FNIP1: variants seen among roughly 807,000 people sequenced by gnomAD.
The protein encoded by FNIP1 is folliculin interacting protein 1, also known as folliculin-interacting protein 1.
Under a neutral mutation model 124.5 loss-of-function variants are expected in FNIP1, and 40 were observed. The ratio of observed to expected loss-of-function variants is 0.32; its 90% confidence interval spans 0.25 to 0.42. The LOEUF (loss-of-function observed/expected upper bound fraction) is 0.42, where lower values mean the gene tolerates loss of function less well. Among genes scored for constraint, FNIP1 ranks in the 10% least tolerant of loss-of-function variants. The probability of loss-of-function intolerance (pLI) is 1.00; values close to 1 mark genes in which losing one functional copy is unlikely to be tolerated. For missense variants in FNIP1, 1,176 were observed against 1,403.7 expected, an observed-to-expected ratio of 0.84 and a Z score of 2.59; for synonymous variants, 472 against 470.6, an observed-to-expected ratio of 1.00 and a Z score of -0.04.
At chr5:131,784,851 A>G (rs910614518) in intron 1 of FNIP1, among the ~76,000 whole-genome samples, 1 of 150,306 alleles carries the variant, frequency 6.7e-6, no homozygotes, top group Non-Finnish European at 1.5e-5. Context: ...CAAAAATATT[A>G]AAGTAAATAT....
In FNIP1 at chr5:131,796,971, C is replaced by T; in HGVS notation, c.-50G>A. On this transcript the variant is annotated 5_prime_UTR_variant, in exon 1 of 18. Coordinates refer to ENST00000510461, the MANE Select transcript of FNIP1 (RefSeq NM_133372.3). ...GCTCCGCTGGGCGCTTGCTAGGCCCCTGCTCCTACAGCCGCCCCGCCACCC... is the reference window on the plus strand; with the variant it reads ...GCTCCGCTGGGCGCTTGCTAGGCCCTTGCTCCTACAGCCGCCCCGCCACCC... The T allele has an allele frequency of 1.3e-6, 2 of 1,509,782 alleles. No individual in the cohort carries two copies. The highest frequency in any genetic ancestry group is 9.0e-7 in the Non-Finnish European group (1 of 1,111,862). 93.5% of individuals were successfully genotyped at this position (1,509,782 alleles called of 1,614,324 possible). A position where few individuals can be genotyped will look rare whatever the true frequency, so the allele number is the denominator to read the frequency against.
At chr5:131,685,014 C>G (rs979537400) in intron 11 of FNIP1, among the ~76,000 whole-genome samples, 2 of 152,138 alleles carry the variant, frequency 1.3e-5, no homozygotes, top group Non-Finnish European at 2.9e-5. Context: ...TTTTAAATGT[C>G]TTGATTTCAA....
intron 1 of FNIP1, among the ~76,000 whole-genome samples, chr5:131,776,792 A>C (rs1771822306): frequency 6.6e-6 from 1 of 152,212 alleles, no homozygotes; most frequent in Non-Finnish European, 1.5e-5. Context: ...AAGGCAAATG[A>C]AGTAGGTTCC....
intron 10 of FNIP1, among the ~76,000 whole-genome samples, chr5:131,701,182 TA>T (rs1318336110): frequency 6.6e-6 from 1 of 152,130 alleles, no homozygotes. Context: ...TGCACACTCT[TA>T]TGAGAATCTA....
intron 2 of FNIP1, among the ~76,000 whole-genome samples, chr5:131,740,375 C>T (rs551551344): frequency 7.8e-4 from 118 of 152,256 alleles, no homozygotes; most frequent in African/African-American, 2.6e-3. Flanking sequence ...TAGCACTGTA[C>T]GATGCTTCGG....
chr5:131,650,516 G>A (rs996655636), intron 16 of FNIP1, among the ~76,000 whole-genome samples: 32 of 152,150 alleles, frequency 2.1e-4, no homozygotes, highest in African/African-American at 7.2e-4. Flanking sequence ...CCAGTTTTCT[G>A]TGGGATCTTT....
At chr5:131,704,309 T>C (rs1418114489) in intron 9 of FNIP1, 43 bp from the exon 10 acceptor site, 18 of 1,452,218 alleles carry the variant, frequency 1.2e-5, no homozygotes, top group Non-Finnish European at 1.5e-5. Context: ...AAAGTAAAAA[T>C]AAATTCACAA....
chr5:131,777,072 A>G (rs550125046), intron 1 of FNIP1, among the ~76,000 whole-genome samples: 25 of 152,270 alleles, frequency 1.6e-4, no homozygotes, highest in Admixed American at 3.3e-4. Context: ...TATCTACTAA[A>G]AAAATTGTCT....
intron 11 of FNIP1, among the ~76,000 whole-genome samples, chr5:131,690,261 A>T (rs1026928686): frequency 1.3e-5 from 2 of 152,034 alleles, no homozygotes; most frequent in African/African-American, 2.4e-5. Context: ...AATAAAATAA[A>T]AGTTAAGGTA....
intron 13 of FNIP1, 131 bp from the exon 14 acceptor site, chr5:131,673,055 T>C: frequency 1.5e-6 from 1 of 652,704 alleles, no homozygotes. Context: ...TTTTTTGTTT[T>C]TTTTTTTTTT....
At chr5:131,741,805 G>A (rs948475235) in intron 2 of FNIP1, among the ~76,000 whole-genome samples, 1 of 152,106 alleles carries the variant, frequency 6.6e-6, no homozygotes, top group Non-Finnish European at 1.5e-5. Context: ...CAATCAATAG[G>A]ATTTTGATTT....
chr5:131,672,685 T>C lies in FNIP1; in HGVS notation c.1759A>G (p.Thr587Ala). Residue 587 changes from threonine to alanine, a missense_variant, in exon 14 of 18, where the codon ACA (threonine) becomes GCA (alanine). By Grantham distance (58) the Thr-to-Ala change is moderately conservative. Coordinates refer to ENST00000510461, the MANE Select transcript of FNIP1 (RefSeq NM_133372.3). ...AAACTGCTTTTGTTTCTATGCATTGTGACAAGGACATACTCTGATTCTTCT... is the reference window on the plus strand; with the variant it reads ...AAACTGCTTTTGTTTCTATGCATTGCGACAAGGACATACTCTGATTCTTCT... The part of the protein sequence containing the change: ...EIEESEYVLV[T>A]MHRNKSSLLF... The C allele has an allele frequency of 6.2e-7, 1 of 1,614,168 alleles. No homozygotes were observed. The highest frequency in any genetic ancestry group is 8.5e-7 in the Non-Finnish European group (1 of 1,180,022).
At chr5:131,699,428 CTG>C (rs1463695925) in intron 10 of FNIP1, among the ~76,000 whole-genome samples, 1 of 145,324 alleles carries the variant, frequency 6.9e-6, no homozygotes, top group African/African-American at 2.6e-5. Context: ...GAGTCTCACT[CTG>C]TCACCTAGGC....
intron 11 of FNIP1, among the ~76,000 whole-genome samples, chr5:131,687,887 G>A (rs1054695943): frequency 6.6e-6 from 1 of 152,084 alleles, no homozygotes; most frequent in Non-Finnish European, 1.5e-5. Flanking sequence ...GCTATGGTTC[G>A]GACAGAGGTA....
At chr5:131,677,897 G>A in intron 12 of FNIP1, 25 bp from the exon 13 acceptor site, 2 of 1,603,218 alleles carry the variant, frequency 1.2e-6, no homozygotes, top group Non-Finnish European at 1.7e-6. Context: ...CATCTGATCA[G>A]ATTCCAATCA....
In FNIP1 at chr5:131,698,928, T is replaced by C; in HGVS notation, c.1191A>G (p.Leu397=). The stretch of plus-strand genomic sequence containing the variant: ...TGGGCAATATGTACCTGAATTCATT[T>C]AGGGCATCAACTATTCGATTATATG... ...SLAYNRIVDA[L]NEFRTTICNL... Residue 397 remains leucine (L), a synonymous_variant, in exon 11 of 18, where the codon CTA becomes CTG. Coordinates refer to ENST00000510461, the MANE Select transcript of FNIP1 (RefSeq NM_133372.3). The C allele has an allele frequency of 6.2e-7, 1 of 1,609,670 alleles. No homozygotes were observed. The highest frequency in any genetic ancestry group is 8.5e-7 in the Non-Finnish European group (1 of 1,178,462).
chr5:131,680,623 G>C (rs1377617884), intron 11 of FNIP1, among the ~76,000 whole-genome samples: 1 of 152,118 alleles, frequency 6.6e-6, no homozygotes, highest in Non-Finnish European at 1.5e-5. Context: ...GCAACAAATA[G>C]AATTAGAGAA....
At chr5:131,737,592 G>C (rs951983576) in intron 2 of FNIP1, among the ~76,000 whole-genome samples, 1 of 152,048 alleles carries the variant, frequency 6.6e-6, no homozygotes, top group African/African-American at 2.4e-5. Flanking sequence ...GTCCTTTCAT[G>C]GCAATTCACT....
In FNIP1 at chr5:131,719,018, C is replaced by A; in HGVS notation, c.498G>T (p.Arg166=). The A allele has an allele frequency of 1.9e-6, 3 of 1,613,480 alleles. No individual in the cohort carries two copies. Among genetic ancestry groups the A allele is most frequent in the Non-Finnish European group, 2.5e-6 (3 of 1,179,586 alleles). Residue 166 remains arginine, a synonymous_variant, in exon 5 of 18, where the codon CGG becomes CGT. Coordinates refer to ENST00000510461, the MANE Select transcript of FNIP1 (RefSeq NM_133372.3). Reference sequence around the variant, plus strand: ...GACTCCCACAAATACTGCTGCCAGTCCGAGCAGTAAACACTTTGCTGAGCA... The same window carrying A: ...GACTCCCACAAATACTGCTGCCAGTACGAGCAGTAAACACTTTGCTGAGCA... The part of the protein sequence containing the change: ...QLMLSKVFTA[R]TGSSICGSLN...
Sources: gnomAD v4.1 joint callset for allele counts (sites outside exome capture counted in the v4.1 genomes callset) on GRCh38, gnomAD v4.1.1 for gene constraint, MANE v1.5 for transcripts, NCBI Gene and HGNC (gene_info 2026-07-23, HGNC 2026-07-21) for gene names.